HS6ST2: variants seen among roughly 807,000 people sequenced by gnomAD.
The protein encoded by HS6ST2 is heparan sulfate 6-O-sulfotransferase 2.
Under a neutral mutation model 33.0 loss-of-function variants are expected in HS6ST2, and 17 were observed. The ratio of observed to expected loss-of-function variants is 0.52; its 90% CI spans 0.35 to 0.77. HS6ST2 has a LOEUF of 0.77. HS6ST2 is among the 30% of genes least tolerant of loss of function. The probability of loss-of-function intolerance (pLI) is 0.01; values close to 1 mark genes in which losing one functional copy is unlikely to be tolerated. For missense variants in HS6ST2, 519 were observed against 551.7 expected, an observed-to-expected ratio of 0.94 and a Z score of 0.59; for synonymous variants, 248 against 237.1, an observed-to-expected ratio of 1.05 and a Z score of -0.42.
At chrX:132,958,136 G>C in intron 1 of HS6ST2, 39 bp downstream of exon 1, 1 of 1,085,094 alleles carries the variant, frequency 9.2e-7, no homozygotes, top group African/African-American at 1.9e-5. Flanking sequence ...TTCGCGCCCT[G>C]GCCTGGGAGC....
At chrX:132,794,329 T>C (rs1293361254) in intron 2 of HS6ST2, among the ~76,000 whole-genome samples, 1 of 111,978 alleles carries the variant, frequency 8.9e-6, no homozygotes, top group East Asian at 2.8e-4. Flanking sequence ...TTGTTAAATT[T>C]CTTATAATCA....
intron 3 of HS6ST2, among the ~76,000 whole-genome samples, chrX:132,703,096 C>T (rs2064158375): frequency 8.9e-6 from 1 of 112,220 alleles, no homozygotes; most frequent in African/African-American, 3.2e-5. Context: ...GGCCAATGTG[C>T]ACATCATTAT....
intron 2 of HS6ST2, among the ~76,000 whole-genome samples, chrX:132,889,073 T>G (rs1262813912): frequency 9.0e-6 from 1 of 110,535 alleles, no homozygotes; most frequent in Non-Finnish European, 1.9e-5. Flanking sequence ...GATTTCAGCG[T>G]CTAAGTCTCA....
intron 2 of HS6ST2, among the ~76,000 whole-genome samples, chrX:132,896,087 CAG>C (rs2066372531): frequency 9.0e-6 from 1 of 110,724 alleles, no homozygotes; most frequent in South Asian, 3.8e-4. Context: ...CTCAAGGAGA[CAG>C]AGAGTAGAAG....
At chrX:132,719,373 C>T (rs1406578245) in intron 2 of HS6ST2, among the ~76,000 whole-genome samples, 5 of 112,060 alleles carry the variant, frequency 4.5e-5, no homozygotes, top group Admixed American at 2.8e-4. Flanking sequence ...ATAAAATGAA[C>T]GCAGCAATCT....
intron 3 of HS6ST2, among the ~76,000 whole-genome samples, chrX:132,672,106 G>A (rs1336300119): frequency 1.8e-5 from 2 of 111,497 alleles, no homozygotes; most frequent in East Asian, 5.7e-4. Context: ...TTTCTAGAAG[G>A]GTCCCATGAA....
chrX:132,881,636 C>A (rs1474858546), intron 2 of HS6ST2, among the ~76,000 whole-genome samples: 1 of 111,609 alleles, frequency 9.0e-6, no homozygotes, highest in African/African-American at 3.3e-5. Flanking sequence ...TAATTAGATC[C>A]CATTTGTCAA....
At chrX:132,831,622 C>T (rs1360515186) in intron 2 of HS6ST2, among the ~76,000 whole-genome samples, 1 of 111,750 alleles carries the variant, frequency 8.9e-6, no homozygotes, top group African/African-American at 3.3e-5. Context: ...ATGTACCCGA[C>T]AGCTGTACTT....
intron 2 of HS6ST2, among the ~76,000 whole-genome samples, chrX:132,760,048 G>T (rs955445257): frequency 9.0e-6 from 1 of 111,683 alleles, no homozygotes; most frequent in Non-Finnish European, 1.9e-5. Context: ...GCTCTTGATG[G>T]CATGTGTAGG....
At chrX:132,722,629 G>C (rs1339253385) in intron 2 of HS6ST2, among the ~76,000 whole-genome samples, 1 of 111,652 alleles carries the variant, frequency 9.0e-6, no homozygotes, top group Non-Finnish European at 1.9e-5. Context: ...AACTAATAGA[G>C]TCCAGTCCTG....
intron 2 of HS6ST2, among the ~76,000 whole-genome samples, chrX:132,718,030 T>A (rs1260394541): frequency 8.9e-6 from 1 of 112,101 alleles, no homozygotes; most frequent in Non-Finnish European, 1.9e-5. Flanking sequence ...ACACAAAATA[T>A]CTTTTCTAGA....
At chrX:132,732,570 C>A (rs1323403285) in intron 2 of HS6ST2, among the ~76,000 whole-genome samples, 1 of 111,053 alleles carries the variant, frequency 9.0e-6, no homozygotes, top group African/African-American at 3.3e-5. Context: ...GGGCTGGTTT[C>A]CCCTATGCTG....
At chrX:132,783,468 C>T (rs971385227) in intron 2 of HS6ST2, among the ~76,000 whole-genome samples, 6 of 111,396 alleles carry the variant, frequency 5.4e-5, no homozygotes, top group African/African-American at 2.0e-4. Context: ...TCTTCCAAGC[C>T]CCAGTCCTTG....
intron 2 of HS6ST2, among the ~76,000 whole-genome samples, chrX:132,766,833 T>C (rs182792929): frequency 1.8e-5 from 2 of 111,918 alleles, no homozygotes; most frequent in East Asian, 5.6e-4. Context: ...CAGTGAATGG[T>C]TGAGGTACTT....
At chrX:132,840,959 G>A (rs2065701999) in intron 2 of HS6ST2, among the ~76,000 whole-genome samples, 1 of 112,239 alleles carries the variant, frequency 8.9e-6, no homozygotes, top group Admixed American at 9.4e-5. Flanking sequence ...AAAGCAGTAG[G>A]CTTACAGAGC....
chrX:132,700,584 G>A (rs189694256), intron 3 of HS6ST2, among the ~76,000 whole-genome samples: 101 of 109,023 alleles, frequency 9.3e-4, no homozygotes, highest in African/African-American at 3.1e-3. Context: ...GGTCAAGACC[G>A]TGAGACCAAA....
intron 2 of HS6ST2, among the ~76,000 whole-genome samples, chrX:132,938,235 T>C (rs1198816334): frequency 9.3e-6 from 1 of 107,590 alleles, no homozygotes; most frequent in Non-Finnish European, 1.9e-5. Flanking sequence ...AGAATAATCA[T>C]GACAAAATCC....
intron 2 of HS6ST2, among the ~76,000 whole-genome samples, chrX:132,737,365 T>C (rs1449616790): frequency 2.7e-5 from 3 of 111,778 alleles, no homozygotes; most frequent in African/African-American, 9.8e-5. Context: ...TGGGAAGGGA[T>C]GTGCACTGCT....
chrX:132,728,044 C>T (rs1376380346), intron 2 of HS6ST2, among the ~76,000 whole-genome samples: 1 of 112,077 alleles, frequency 8.9e-6, no homozygotes. Context: ...CATTCATCCA[C>T]TGATGGGCAT....
Sources: allele counts gnomAD v4.1 joint callset (sites outside exome capture counted in the v4.1 genomes callset), GRCh38; gene constraint gnomAD v4.1.1; transcripts MANE v1.5; gene names NCBI Gene and HGNC (gene_info 2026-07-23, HGNC 2026-07-21).